Variants in KCNAB1 observed in about 807,000 individuals in gnomAD.
The protein encoded by KCNAB1 is potassium voltage-gated channel subfamily A regulatory beta subunit 1, also known as voltage-gated potassium channel subunit beta-1.
Under a neutral mutation model 64.6 loss-of-function variants are expected in KCNAB1, and 35 were observed. That is an observed-to-expected ratio of 0.54 (90% confidence interval 0.41 to 0.72). KCNAB1 has a LOEUF of 0.72. Among genes scored for constraint, KCNAB1 ranks in the 30% least tolerant of loss-of-function variants. The pLI is 0.00. For missense variants in KCNAB1, 401 were observed against 512.9 expected (o/e 0.78, Z 2.11); for synonymous variants, 177 against 183.8 (o/e 0.96, Z 0.30).
At chr3:156,355,320 C>T (rs1173744018) in intron 1 of KCNAB1, among the ~76,000 whole-genome samples, 2 of 152,138 alleles carry the variant, frequency 1.3e-5, no homozygotes, top group Non-Finnish European at 2.9e-5. Flanking sequence ...ACGTGAGACC[C>T]ACATGTGTAG....
chr3:156,416,757 T>C (rs1576838284), intron 1 of KCNAB1, among the ~76,000 whole-genome samples: 1 of 152,196 alleles, frequency 6.6e-6, no homozygotes, highest in Admixed American at 6.5e-5. Context: ...ACCTAATTAA[T>C]TAATTATAGG....
At chr3:156,158,521 A>C (rs1715890602) in intron 1 of KCNAB1, among the ~76,000 whole-genome samples, 1 of 152,208 alleles carries the variant, frequency 6.6e-6, no homozygotes, top group Admixed American at 6.5e-5. Flanking sequence ...ATTTTTTATC[A>C]GATATAACTT....
chr3:156,277,829 T>C (rs1261056570), intron 1 of KCNAB1, among the ~76,000 whole-genome samples: 1 of 152,168 alleles, frequency 6.6e-6, no homozygotes, highest in African/African-American at 2.4e-5. Context: ...ATATCATTTT[T>C]CCATAGTTGG....
rs1434619209 is a variant in KCNAB1 at position 156,216,124 on chromosome 3, CTT to C, written c.275+95241_275+95242del. Reference sequence around the variant, plus strand: ...CAGAAGCACTGTTGAGGTCTGCTGACTTTTATTATTTTAACTTAGGCAATACG... The same window carrying C: ...CAGAAGCACTGTTGAGGTCTGCTGACTTATTATTTTAACTTAGGCAATACG... On this transcript the variant is annotated intron_variant, in intron 1 of 13. Coordinates refer to ENST00000490337, the MANE Select transcript of KCNAB1 (RefSeq NM_172160.3). 2.6e-5 allele frequency among the ~76,000 whole-genome samples: 4 copies of C among 152,222 alleles called. 1 individual carries two copies. Among genetic ancestry groups the C allele is most frequent in the African/African-American group, 9.6e-5 (4 of 41,532 alleles).
intron 1 of KCNAB1, among the ~76,000 whole-genome samples, chr3:156,152,159 G>A (rs1377829710): frequency 6.6e-6 from 1 of 152,194 alleles, no homozygotes; most frequent in East Asian, 1.9e-4. Flanking sequence ...GATCTCATAG[G>A]CCTGCTGACC....
chr3:156,181,744 A>T (rs991674314), intron 1 of KCNAB1, among the ~76,000 whole-genome samples: 4 of 152,232 alleles, frequency 2.6e-5, no homozygotes, highest in Non-Finnish European at 4.4e-5. Context: ...AGGAGGAGTT[A>T]AAAAAGGCTC....
At chr3:156,332,564 C>T (rs191605118) in intron 1 of KCNAB1, among the ~76,000 whole-genome samples, 3 of 152,210 alleles carry the variant, frequency 2.0e-5, no homozygotes, top group East Asian at 3.9e-4. Context: ...TTCAGAGTGT[C>T]GTGACATCTG....
intron 1 of KCNAB1, among the ~76,000 whole-genome samples, chr3:156,175,663 A>C (rs1712320339): frequency 1.3e-5 from 2 of 152,204 alleles, no homozygotes; most frequent in Non-Finnish European, 2.9e-5. Flanking sequence ...GGTGGATTTT[A>C]GAGGCCACGG....
At chr3:156,202,030 A>G (rs1020836058) in intron 1 of KCNAB1, among the ~76,000 whole-genome samples, 2 of 152,104 alleles carry the variant, frequency 1.3e-5, no homozygotes, top group African/African-American at 4.8e-5. Flanking sequence ...TCTCATTGGC[A>G]AGACTGCCCT....
intron 1 of KCNAB1, among the ~76,000 whole-genome samples, chr3:156,356,131 A>G (rs1434280804): frequency 2.6e-5 from 4 of 151,014 alleles, no homozygotes; most frequent in African/African-American, 9.8e-5. Flanking sequence ...AAAAAAAAAA[A>G]AAAAGAAAGA....
rs1345181198 is a variant in KCNAB1, at chr3:156,452,110, T to A, written c.320-789T>A. ...GAATCAAAAGAATTCATTCCCTCCT[T>A]TAGGAAGGGAAAGGAAGGGAATAAA... On this transcript the variant is annotated intron_variant, in intron 2 of 13. Coordinates refer to ENST00000490337, the MANE Select transcript of KCNAB1 (RefSeq NM_172160.3). This position sits in a 1 kb window ranked among gnomAD's most constrained non-coding sequence, Gnocchi z 4.6. Among the ~76,000 whole-genome samples, 2 of 152,160 alleles carry A rather than the reference T, an allele frequency of 1.3e-5. No homozygotes were observed. The highest frequency in any genetic ancestry group is 2.9e-5 in the Non-Finnish European group (2 of 68,018).
intron 12 of KCNAB1, among the ~76,000 whole-genome samples, chr3:156,527,272 T>C (rs1718379087): frequency 6.6e-6 from 1 of 152,194 alleles, no homozygotes; most frequent in African/African-American, 2.4e-5. Context: ...TTCTCATCTG[T>C]AAAATGGGTA....
At chr3:156,363,025 C>T (rs1336304169) in intron 1 of KCNAB1, among the ~76,000 whole-genome samples, 3 of 152,146 alleles carry the variant, frequency 2.0e-5, no homozygotes, top group African/African-American at 2.4e-5. Context: ...GAAAGAGCAG[C>T]GGAAATGGCT....
At chr3:156,386,845 G>A (rs1712632587) in intron 1 of KCNAB1, among the ~76,000 whole-genome samples, 1 of 152,092 alleles carries the variant, frequency 6.6e-6, no homozygotes, top group Non-Finnish European at 1.5e-5. Context: ...TGGAGCAAAT[G>A]GGAGAGGTCC....
At position 156,395,543 on chromosome 3, in the gene KCNAB1, T is replaced by TAAAAAGAA. The variant is rs1318444935; in HGVS notation, c.276-26073_276-26072insAAAAAGAA. Among the ~76,000 whole-genome samples, 10 of 8,450 alleles carry TAAAAAGAA rather than the reference T, an allele frequency of 1.2e-3. 1 individual carries two copies. Among genetic ancestry groups the TAAAAAGAA allele is most frequent in the East Asian group, 0.012 (3 of 256 alleles). The allele number at this position is 8,450 out of a possible 152,430, so 5.5% of individuals were successfully genotyped here. ...CTGGGCGACAGAGCGAGACTCCGTC[T>TAAAAAGAA]CAAAAAAAAAAAAAAAAAAAAAAAA... On this transcript the variant is annotated intron_variant, in intron 1 of 13. Transcript: ENST00000490337.
intron 1 of KCNAB1, among the ~76,000 whole-genome samples, chr3:156,137,776 G>A (rs1411062499): frequency 3.3e-5 from 5 of 149,276 alleles, no homozygotes; most frequent in Non-Finnish European, 5.9e-5. Flanking sequence ...GACTGGTCTC[G>A]AACTCCTGAC....
chr3:156,390,184 G>T lies in KCNAB1; in HGVS notation c.276-31432G>T, dbSNP rs376577691. The stretch of plus-strand genomic sequence containing the variant: ...GCTCTAGCTGAGATCAGAAGGCTCT[G>T]GTAGAGACTGTTACTAGCAGTGTGC... On this transcript the variant is annotated intron_variant, in intron 1 of 13. Coordinates refer to ENST00000490337, the MANE Select transcript of KCNAB1 (RefSeq NM_172160.3). 1.4e-4 allele frequency among the ~76,000 whole-genome samples: 21 copies of T among 152,320 alleles called. 1 individual carries two copies. The South Asian group carries it at 1.4e-3, about 11-fold the overall frequency.
chr3:156,122,985 T>G (rs969803242), intron 1 of KCNAB1, among the ~76,000 whole-genome samples: 5 of 152,210 alleles, frequency 3.3e-5, no homozygotes, highest in Admixed American at 1.3e-4. Context: ...CTCTTCCAAA[T>G]TTAATGTTAG....
intron 1 of KCNAB1, among the ~76,000 whole-genome samples, chr3:156,177,316 C>G (rs1712447652): frequency 1.3e-5 from 2 of 152,286 alleles, no homozygotes; most frequent in African/African-American, 4.8e-5. Context: ...TACCCAGACA[C>G]TTCTTATAAT....
Sources: gnomAD v4.1 joint callset for allele counts (sites outside exome capture counted in the v4.1 genomes callset) on GRCh38, gnomAD v4.1.1 for gene constraint, Gnocchi (gnomAD v3.1) non-coding constraint, MANE v1.5 for transcripts, NCBI Gene and HGNC (gene_info 2026-07-23, HGNC 2026-07-21) for gene names.